The following DNM2 variants were observed in gnomAD, a reference collection of about 807,000 sequenced individuals.
The protein encoded by DNM2 is dynamin-2.
In DNM2, 15 loss-of-function variants were observed where a neutral mutation model predicts 99.0. The ratio of observed to expected loss-of-function variants is 0.15; its 90% CI spans 0.10 to 0.23. The LOEUF (loss-of-function observed/expected upper bound fraction) is 0.23. Among genes scored for constraint, DNM2 ranks in the 10% least tolerant of loss-of-function variants. The probability of loss-of-function intolerance (pLI) is 1.00; values close to 1 mark genes in which losing one functional copy is unlikely to be tolerated. For synonymous variants in DNM2, 525 were observed against 481.2 expected, an observed-to-expected ratio of 1.09 and a Z score of -1.19; for missense variants, 742 against 1,189.4, an observed-to-expected ratio of 0.62 and a Z score of 5.53.
chr19:10,744,699 G>C (rs536905873), intron 1 of DNM2, among the ~76,000 whole-genome samples: 4 of 152,252 alleles, frequency 2.6e-5, no homozygotes, highest in African/African-American at 9.6e-5. Context: ...CCTGGCAACT[G>C]GAACTGTCTC....
intron 17 of DNM2, chr19:10,824,816 C>A (rs1229913142): frequency 1.7e-6 from 1 of 572,702 alleles, no homozygotes; most frequent in Middle Eastern, 4.8e-4. Context: ...CAAAAAAAAA[C>A]AAAACAAAAA....
intron 1 of DNM2, among the ~76,000 whole-genome samples, chr19:10,736,121 T>C (rs942928593): frequency 1.5e-4 from 23 of 151,932 alleles, no homozygotes; most frequent in African/African-American, 4.3e-4. Context: ...AAAAATTAGC[T>C]GGGCGTGGTG....
rs60053169 is a variant in DNM2, at chr19:10,812,660, G to A, written c.1671+283G>A. The stretch of plus-strand genomic sequence containing the variant: ...AAATTAGCCAGGAGTGGTGGCACGC[G>A]CCTGTAATCCCAGCTACTCAGGAGG... On this transcript the variant is annotated intron_variant, in intron 15 of 20. Transcript: ENST00000389253. The surrounding 1 kb of genome is among the most constrained non-coding windows in gnomAD (Gnocchi z 4.0). Among the ~76,000 whole-genome samples, 1,825 of 152,252 alleles carry A rather than the reference G, an allele frequency of 0.012. 33 individuals are homozygous for A. The highest frequency in any genetic ancestry group is 0.041 in the African/African-American group (1,699 of 41,528).
At chr19:10,823,711 G>A (rs1329353709) in intron 16 of DNM2, 77 bp from the exon 17 acceptor site, 2 of 1,439,690 alleles carry the variant, frequency 1.4e-6, no homozygotes, top group East Asian at 2.3e-5. Context: ...AAGACCCCTA[G>A]AGCCCATTCC....
At chr19:10,729,040 G>A (rs1408883908) in intron 1 of DNM2, among the ~76,000 whole-genome samples, 1 of 151,500 alleles carries the variant, frequency 6.6e-6, no homozygotes, top group Non-Finnish European at 1.5e-5. Flanking sequence ...GGCCAACATG[G>A]CGAAACCCCA....
chr19:10,811,581 G>T lies in DNM2; in HGVS notation c.1558-683G>T. On this transcript the variant is annotated intron_variant, in intron 14 of 20. Transcript: ENST00000389253. This position sits in a 1 kb window ranked among gnomAD's most constrained non-coding sequence, Gnocchi z 5.4. The stretch of plus-strand genomic sequence containing the variant: ...GCAGCTCCCAGGGCCCTCGTCCTGA[G>T]TGGGGTGGGGGGCTCTGCCCACACA... 2.5e-6 allele frequency: 1 copy of T among 406,860 alleles called. No individual in the cohort carries two copies. Among genetic ancestry groups the T allele is most frequent in the East Asian group, 7.1e-5 (1 of 14,020 alleles). The allele number at this position is 406,860 out of a possible 1,614,324, so 25.2% of individuals were successfully genotyped here. A position where few individuals can be genotyped will look rare whatever the true frequency, so the allele number is the denominator to read the frequency against.
At chr19:10,786,282 G>A (rs2071554469) in intron 6 of DNM2, 1 of 508,994 alleles carries the variant, frequency 2.0e-6, no homozygotes, top group Non-Finnish European at 3.6e-6. Context: ...GTCCTTGCAA[G>A]CTGTTGCTTG....
chr19:10,760,495 A>C (rs1024577293), intron 2 of DNM2, among the ~76,000 whole-genome samples: 1 of 152,120 alleles, frequency 6.6e-6, no homozygotes, highest in Non-Finnish European at 1.5e-5. Context: ...CATGCCCCAG[A>C]GAACGAGTCA....
chr19:10,807,864 C>T (rs1225086206), intron 13 of DNM2, among the ~76,000 whole-genome samples: 2 of 150,102 alleles, frequency 1.3e-5, no homozygotes, highest in Non-Finnish European at 1.5e-5. Context: ...AAAACCTGGA[C>T]GGGCACGGTG....
intron 1 of DNM2, among the ~76,000 whole-genome samples, chr19:10,745,322 C>T (rs1171096698): frequency 6.6e-6 from 1 of 152,174 alleles, no homozygotes. Context: ...AAGTACTGCC[C>T]TCAGGGAGTC....
Position 10,812,059 on chromosome 19 carries a change from G to A in DNM2, c.1558-205G>A, listed in dbSNP as rs576243986. 1.4e-4 allele frequency: 74 copies of A among 542,422 alleles called. No homozygotes were observed. The highest frequency in any genetic ancestry group is 2.9e-4 in the Admixed American group (13 of 44,922). 33.6% of individuals were successfully genotyped at this position (542,422 alleles called of 1,614,324 possible). On this transcript the variant is annotated intron_variant, in intron 14 of 20. Coordinates refer to ENST00000389253, the MANE Select transcript of DNM2 (RefSeq NM_001005361.3). This position sits in a 1 kb window ranked among gnomAD's most constrained non-coding sequence, Gnocchi z 4.0. ...CCTGGCCCAGTGAGTCTGTCTGTCC[G>A]CCCACCTGCCCAGGTGGCGCCTCAT...
chr19:10,824,911 C>A, intron 17 of DNM2, 146 bp from the exon 18 acceptor site: 1 of 1,309,382 alleles, frequency 7.6e-7, no homozygotes, highest in South Asian at 1.2e-5. Flanking sequence ...TGGCCCAGGG[C>A]AAGCAGGCCT....
At chr19:10,740,831 A>G (rs900403112) in intron 1 of DNM2, among the ~76,000 whole-genome samples, 15 of 152,098 alleles carry the variant, frequency 9.9e-5, no homozygotes, top group East Asian at 3.8e-4. Flanking sequence ...TCTTTGATAC[A>G]TAGGTTATTT....
In DNM2 at chr19:10,796,338, CT is replaced by C. The variant is rs1328825559; in HGVS notation, c.1196+900del. On this transcript the variant is annotated intron_variant, in intron 9 of 20. Coordinates refer to ENST00000389253, the MANE Select transcript of DNM2 (RefSeq NM_001005361.3). This position sits in a 1 kb window ranked among gnomAD's most constrained non-coding sequence, Gnocchi z 5.6. ...CGCTTTGTGTCCGTGAACTTGGCCT[CT>C]CCCCAGAGGCTGGGGCAGGAGCATG... The C allele has an allele frequency of 3.0e-6, 4 of 1,344,386 alleles. No homozygotes were observed. Among genetic ancestry groups the C allele is most frequent in the Non-Finnish European group, 2.1e-6 (2 of 956,868 alleles). 83.3% of individuals were successfully genotyped at this position (1,344,386 alleles called of 1,614,324 possible). A position where few individuals can be genotyped will look rare whatever the true frequency, so the allele number is the denominator to read the frequency against.
At chr19:10,824,701 C>A (rs1200933164) in intron 17 of DNM2, 4 of 348,274 alleles carry the variant, frequency 1.1e-5, no homozygotes, top group Non-Finnish European at 2.2e-5. Context: ...TACTCCAGGG[C>A]GCTGAGGTGG....
chr19:10,719,080 C>A (rs757504383), intron 1 of DNM2, among the ~76,000 whole-genome samples: 1 of 152,160 alleles, frequency 6.6e-6, no homozygotes, highest in Non-Finnish European at 1.5e-5. Flanking sequence ...CTAGGGGACC[C>A]TGTTTGATTC....
intron 8 of DNM2, among the ~76,000 whole-genome samples, chr19:10,794,344 CGTGT>C (rs58263525): frequency 1.6e-3 from 229 of 141,680 alleles, no homozygotes; most frequent in Middle Eastern, 7.2e-3. Context: ...CTTCTTTTTC[CGTGT>C]GTGTGTGTGT....
In DNM2 at chr19:10,830,305, C is replaced by G; in HGVS notation, c.2470C>G (p.Leu824Val). 1 of 1,613,756 alleles carries G rather than the reference C, an allele frequency of 6.2e-7. No homozygotes were observed. Among genetic ancestry groups the G allele is most frequent in the Non-Finnish European group, 8.5e-7 (1 of 1,179,912 alleles). Reference sequence around the variant, plus strand: ...CCAGAGCGTGTTTGCCAACAGTGACCTCTTCCCAGCCCCGCCTCAGATCCC... The same window carrying G: ...CCAGAGCGTGTTTGCCAACAGTGACGTCTTCCCAGCCCCGCCTCAGATCCC... ...GPQSVFANSDLFPAPPQIPSR... is the reference protein window; with the variant it reads ...GPQSVFANSDVFPAPPQIPSR... Residue 824 changes from leucine to valine, a missense_variant, in exon 20 of 21, where the codon CTC becomes GTC. Physicochemically the swap from Leu to Val is conservative, Grantham distance 32. This residue lies in a region of DNM2 where 187 missense variants were observed against 218.8 expected (regional missense o/e 0.85). Coordinates refer to ENST00000389253, the MANE Select transcript of DNM2 (RefSeq NM_001005361.3). This position sits in a 1 kb window ranked among gnomAD's most constrained non-coding sequence, Gnocchi z 4.8.
chr19:10,813,041 G>A (rs1201114579), intron 15 of DNM2, among the ~76,000 whole-genome samples: 1 of 152,220 alleles, frequency 6.6e-6, no homozygotes, highest in Non-Finnish European at 1.5e-5. Context: ...CAGCCTCCAG[G>A]GGCACCGGGG....
Sources: allele counts gnomAD v4.1 joint callset (sites outside exome capture counted in the v4.1 genomes callset), GRCh38; gene constraint gnomAD v4.1.1; regional missense constraint gnomAD v4.1.1; non-coding constraint Gnocchi (gnomAD v3.1); transcripts MANE v1.5; gene names NCBI Gene and HGNC (gene_info 2026-07-23, HGNC 2026-07-21).